Variants in TENM2 observed in about 807,000 individuals in gnomAD.
The protein encoded by TENM2 is teneurin-2.
Under a neutral mutation model 245.2 loss-of-function variants are expected in TENM2, and 52 were observed. The observed-to-expected ratio is 0.21, with a 90% CI of 0.17 to 0.27. TENM2 has a LOEUF of 0.27. Among genes scored for constraint, TENM2 ranks in the 10% least tolerant of loss-of-function variants. The pLI is 1.00. For synonymous variants in TENM2, 1,363 were observed against 1,438.9 expected (o/e 0.95, Z 1.19); for missense variants, 3,046 against 3,666.8 (o/e 0.83, Z 4.37).
chr5:167,504,607 G>A (rs1216995701), intron 2 of TENM2, among the ~76,000 whole-genome samples: 1 of 152,150 alleles, frequency 6.6e-6, no homozygotes, highest in East Asian at 1.9e-4. Context: ...ACTGGGAGGT[G>A]GAAGACCAGG....
At chr5:167,110,604 C>T in the TENM2 span, among the ~76,000 whole-genome samples, 176 of 152,286 alleles carry the variant, frequency 1.2e-3, no homozygotes, top group Middle Eastern at 6.8e-3. Flanking sequence ...GTAGTAAGTA[C>T]ATCAGAACAA....
intron 13 of TENM2, among the ~76,000 whole-genome samples, chr5:168,167,074 T>C (rs1758367979): frequency 6.6e-6 from 1 of 151,620 alleles, no homozygotes; most frequent in Non-Finnish European, 1.5e-5. Context: ...TTTTTAATAG[T>C]GAGAGATCTT....
chr5:168,127,273 A>G (rs1385864524), intron 12 of TENM2, among the ~76,000 whole-genome samples: 1 of 152,204 alleles, frequency 6.6e-6, no homozygotes, highest in Admixed American at 6.5e-5. Context: ...AAGCACCTCA[A>G]ATCACTGTGG....
At chr5:167,114,376 C>T in the TENM2 span, among the ~76,000 whole-genome samples, 5 of 152,218 alleles carry the variant, frequency 3.3e-5, 1 homozygote, top group African/African-American at 1.2e-4. Flanking sequence ...TGTGAAAAAT[C>T]GGAAAGAGTT....
intron 1 of TENM2, among the ~76,000 whole-genome samples, chr5:167,348,443 GGC>G (rs1758612365): frequency 6.6e-6 from 1 of 152,252 alleles, no homozygotes; most frequent in African/African-American, 2.4e-5. Flanking sequence ...TTCTCCAAGG[GGC>G]GCTTATCCTG....
At chr5:168,074,132 T>C (rs1791258655) in intron 7 of TENM2, among the ~76,000 whole-genome samples, 1 of 152,220 alleles carries the variant, frequency 6.6e-6, no homozygotes, top group Non-Finnish European at 1.5e-5. Flanking sequence ...ATATTCATAG[T>C]GATCATATTA....
At chr5:168,154,503 G>A (rs186336792) in intron 12 of TENM2, among the ~76,000 whole-genome samples, 12 of 152,332 alleles carry the variant, frequency 7.9e-5, no homozygotes, top group Admixed American at 7.8e-4. Flanking sequence ...AGGATTACAG[G>A]TGTGAGCTAC....
exon 21 of TENM2, chr5:168,215,103 C>G (rs374938311): frequency 1.2e-6 from 2 of 1,613,650 alleles, no homozygotes; most frequent in Non-Finnish European, 1.7e-6. Flanking sequence ...TCTACGTGTC[C>G]GACACCAACA....
intron 3 of TENM2, among the ~76,000 whole-genome samples, chr5:167,917,377 G>A (rs903652164): frequency 2.6e-5 from 4 of 152,034 alleles, no homozygotes; most frequent in East Asian, 1.9e-4. Context: ...GGGATTGGGC[G>A]CTCTAAACCC....
At chr5:167,247,803 A>G in the TENM2 span, among the ~76,000 whole-genome samples, 1 of 152,314 alleles carries the variant, frequency 6.6e-6, no homozygotes, top group South Asian at 2.1e-4. Context: ...GCATGGAAGA[A>G]GAGCTGTAGA....
At chr5:168,237,829 G>A (rs1438887608) in intron 25 of TENM2, among the ~76,000 whole-genome samples, 1 of 151,790 alleles carries the variant, frequency 6.6e-6, no homozygotes, top group Non-Finnish European at 1.5e-5. Context: ...CTTGTTGTGT[G>A]GGAGCTGGGG....
intron 2 of TENM2, among the ~76,000 whole-genome samples, chr5:167,814,472 AAAAGAAAAGAAAAAG>A: frequency 6.6e-6 from 1 of 151,160 alleles, no homozygotes; most frequent in Admixed American, 6.6e-5. Flanking sequence ...AAAAAAAAGA[AAAAGAAAAGAAAAAG>A]AAAGAAAAGC....
chr5:167,015,273 A>T, the TENM2 span, among the ~76,000 whole-genome samples: 1 of 152,188 alleles, frequency 6.6e-6, no homozygotes, highest in Non-Finnish European at 1.5e-5. Flanking sequence ...CTAAAATGCG[A>T]TGGAAGTATA....
intron 2 of TENM2, among the ~76,000 whole-genome samples, chr5:167,604,311 C>T (rs1446815831): frequency 6.6e-6 from 1 of 152,160 alleles, no homozygotes; most frequent in Non-Finnish European, 1.5e-5. Context: ...CATAAGCCTT[C>T]ACTTTTAGCC....
intron 2 of TENM2, among the ~76,000 whole-genome samples, chr5:167,550,263 G>C (rs769419088): frequency 6.6e-6 from 1 of 152,150 alleles, no homozygotes; most frequent in Non-Finnish European, 1.5e-5. Flanking sequence ...GCAAATGTAC[G>C]TTCTGCTGGT....
intron 2 of TENM2, among the ~76,000 whole-genome samples, chr5:167,405,769 A>ACACACAC (rs1762599972): frequency 2.1e-5 from 3 of 145,186 alleles, no homozygotes; most frequent in African/African-American, 7.6e-5. Flanking sequence ...CACACACACA[A>ACACACAC]ACACACACAC....
chr5:167,010,108 G>A, the TENM2 span, among the ~76,000 whole-genome samples: 22 of 152,288 alleles, frequency 1.4e-4, no homozygotes, highest in Non-Finnish European at 2.6e-4. Flanking sequence ...AAGGCTGGGC[G>A]TGGTGGCTCA....
chr5:167,796,893 A>G (rs1259281956), intron 2 of TENM2, among the ~76,000 whole-genome samples: 2 of 151,820 alleles, frequency 1.3e-5, no homozygotes, highest in Admixed American at 1.3e-4. Flanking sequence ...TGAGTCAGGC[A>G]TGTCCTCCTT....
At chr5:168,127,194 CT>C (rs1453872371) in intron 12 of TENM2, among the ~76,000 whole-genome samples, 1 of 152,194 alleles carries the variant, frequency 6.6e-6, no homozygotes, top group Admixed American at 6.5e-5. Context: ...AAGAAAACCC[CT>C]CCAAACTTGC....
Sources: gnomAD v4.1 joint callset for allele counts (sites outside exome capture counted in the v4.1 genomes callset) on GRCh38, gnomAD v4.1.1 for gene constraint, MANE v1.5 for transcripts, NCBI Gene and HGNC (gene_info 2026-07-23, HGNC 2026-07-21) for gene names.